Variants in ATP8B1 observed in about 807,000 individuals in gnomAD.
The protein encoded by ATP8B1 is phospholipid-transporting ATPase IC.
In ATP8B1, 80 loss-of-function variants were observed where a neutral mutation model predicts 149.9. The observed-to-expected ratio is 0.53, with a 90% confidence interval of 0.45 to 0.64. The LOEUF (loss-of-function observed/expected upper bound fraction) is 0.64. Among genes scored for constraint, ATP8B1 ranks in the 30% least tolerant of loss-of-function variants. The pLI, the probability that ATP8B1 is intolerant of heterozygous loss-of-function variation, is 0.00. For missense variants in ATP8B1, 1,247 were observed against 1,552.6 expected (o/e 0.80, Z 3.31); for synonymous variants, 536 against 562.8 (o/e 0.95, Z 0.67).
chr18:57,668,265 T>G, intron 19 of ATP8B1, 164 bp downstream of exon 19: 1 of 1,336,698 alleles, frequency 7.5e-7, no homozygotes, highest in Non-Finnish European at 1.0e-6. Context: ...TGCAGAAGAA[T>G]GTGCTGGAAA....
At chr18:57,661,680 C>CACAT (rs1568183487) in intron 21 of ATP8B1, among the ~76,000 whole-genome samples, 1 of 112,404 alleles carries the variant, frequency 8.9e-6, no homozygotes, top group South Asian at 3.1e-4. Flanking sequence ...TGTATATACA[C>CACAT]ACACACACAC....
chr18:57,698,009 A>G, intron 6 of ATP8B1, 142 bp from the exon 7 acceptor site: 1 of 741,862 alleles, frequency 1.3e-6, no homozygotes, highest in Non-Finnish European at 2.3e-6. Flanking sequence ...ATGGATGTAA[A>G]CATATTAAAG....
At chr18:57,688,276 A>T in intron 13 of ATP8B1, 23 bp downstream of exon 13, 1 of 1,608,936 alleles carries the variant, frequency 6.2e-7, no homozygotes, top group Non-Finnish European at 8.5e-7. Context: ...TCACCCAGAA[A>T]ATGAGTGACG....
At chr18:57,794,326 T>A (rs912326337) in intron 1 of ATP8B1, among the ~76,000 whole-genome samples, 1 of 152,044 alleles carries the variant, frequency 6.6e-6, no homozygotes, top group Admixed American at 6.6e-5. Context: ...CATAAAGGCA[T>A]CTGATTTTTA....
At chr18:57,772,605 C>A (rs2123379154) in intron 1 of ATP8B1, among the ~76,000 whole-genome samples, 1 of 152,232 alleles carries the variant, frequency 6.6e-6, no homozygotes, top group African/African-American at 2.4e-5. Context: ...CATCTGAGTT[C>A]TCCCATGCAT....
rs1245886881 is a variant in ATP8B1 at position 57,688,402 on chromosome 18, A to G, written c.1326T>C (p.Asn442=). ...TATAATGGATCTGCCCGAGCTGTTC[A>G]TTGAGTGTGGTGGTTCTAGCTTTTG... is the stretch of plus-strand genomic sequence containing the variant. The part of the protein sequence containing the change: ...TPAKARTTTL[N]EQLGQIHYIF... The change falls in exon 13 of 28, where the codon AAT becomes AAC. Residue 442 remains asparagine, a synonymous_variant. Coordinates refer to ENST00000648908, the MANE Select transcript of ATP8B1 (RefSeq NM_001374385.1). 1 of 1,614,174 alleles carries G rather than the reference A, an allele frequency of 6.2e-7. No individual in the cohort carries two copies. Among genetic ancestry groups the G allele is most frequent in the Non-Finnish European group, 8.5e-7 (1 of 1,180,030 alleles).
At chr18:57,663,250 T>C (rs62094224) in intron 20 of ATP8B1, among the ~76,000 whole-genome samples, 49,582 of 152,080 alleles carry the variant, frequency 0.33, 8,683 homozygotes, top group Non-Finnish European at 0.39. Flanking sequence ...ATCTATATAA[T>C]ATATGTCATA....
chr18:57,667,439 G>C, intron 19 of ATP8B1: 1 of 441,232 alleles, frequency 2.3e-6, no homozygotes, highest in Non-Finnish European at 4.2e-6. Flanking sequence ...TGTTTGCCAG[G>C]CTCATTCTTA....
At chr18:57,663,847 A>G (rs1910677660) in intron 20 of ATP8B1, among the ~76,000 whole-genome samples, 1 of 149,744 alleles carries the variant, frequency 6.7e-6, no homozygotes, top group Non-Finnish European at 1.5e-5. Context: ...GCTCACTGCA[A>G]CATCCACCTC....
intron 21 of ATP8B1, among the ~76,000 whole-genome samples, chr18:57,661,696 C>T (rs868685229): frequency 2.8e-3 from 257 of 90,322 alleles, no homozygotes; most frequent in South Asian, 0.013. Context: ...CACACACACA[C>T]ATATATATAT....
chr18:57,695,490 G>A lies in ATP8B1; in HGVS notation c.741C>T (p.Asp247=). 2.5e-6 allele frequency: 4 copies of A among 1,612,838 alleles called. No individual in the cohort carries two copies. The highest frequency in any genetic ancestry group is 3.4e-6 in the Non-Finnish European group (4 of 1,178,922). ...LKFKMSLEIT[D]QYLQREDTLA... ...ATGTATCTTCTCTTTGGAGGTACTG[G>A]TCTGTGATTTCAAGTGACATCTTAA... Residue 247 remains aspartate, a synonymous_variant, in exon 9 of 28, where the codon GAC becomes GAT. Transcript: ENST00000648908.
chr18:57,794,524 G>T (rs2080492762), intron 1 of ATP8B1, among the ~76,000 whole-genome samples: 1 of 151,038 alleles, frequency 6.6e-6, no homozygotes, highest in Non-Finnish European at 1.5e-5. Context: ...AGGTGGCTGT[G>T]GTTAGCAGAG....
chr18:57,770,731 G>A (rs1416488395), intron 1 of ATP8B1, among the ~76,000 whole-genome samples: 2 of 152,250 alleles, frequency 1.3e-5, no homozygotes, highest in Non-Finnish European at 2.9e-5. Flanking sequence ...GCCTACTGCG[G>A]CAGATCGCAA....
intron 22 of ATP8B1, chr18:57,659,913 C>A (rs574089344): frequency 6.6e-6 from 1 of 152,150 alleles, no homozygotes; most frequent in Admixed American, 6.5e-5. Flanking sequence ...CAGGAACATG[C>A]AATTACCTAT....
At chr18:57,648,929 G>C (rs1253205282) in intron 27 of ATP8B1, among the ~76,000 whole-genome samples, 1 of 134,784 alleles carries the variant, frequency 7.4e-6, no homozygotes, top group African/African-American at 3.1e-5. Context: ...AGACAGTCTC[G>C]CTCTGTCACC....
chr18:57,653,952 C>T (rs763910698), intron 24 of ATP8B1, 40 bp downstream of exon 24: 3 of 1,547,750 alleles, frequency 1.9e-6, no homozygotes, highest in Middle Eastern at 1.7e-4. Context: ...AACGCATTCT[C>T]ATCTGTCCAG....
chr18:57,659,547 C>T (rs372568440), intron 22 of ATP8B1, among the ~76,000 whole-genome samples: 2 of 150,854 alleles, frequency 1.3e-5, no homozygotes, highest in Non-Finnish European at 2.9e-5. Flanking sequence ...CGGCTAGTTA[C>T]GTTAAAGGTA....
chr18:57,797,860 C>T (rs1280816749), intron 1 of ATP8B1, among the ~76,000 whole-genome samples: 1 of 151,996 alleles, frequency 6.6e-6, no homozygotes, highest in Non-Finnish European at 1.5e-5. Context: ...GCGCATGCCA[C>T]CACACCTGGC....
At chr18:57,667,212 T>A (rs761282304) in intron 19 of ATP8B1, 45 bp from the exon 20 acceptor site, 1 of 1,473,620 alleles carries the variant, frequency 6.8e-7, no homozygotes, top group Non-Finnish European at 9.5e-7. Context: ...CTGCTGTTTT[T>A]ATTTTATTTT....
Sources: allele counts gnomAD v4.1 joint callset (sites outside exome capture counted in the v4.1 genomes callset), GRCh38; gene constraint gnomAD v4.1.1; transcripts MANE v1.5; gene names NCBI Gene and HGNC (gene_info 2026-07-23, HGNC 2026-07-21).